SYT1: variants seen among roughly 807,000 people sequenced by gnomAD.
The protein encoded by SYT1 is synaptotagmin-1.
In SYT1, 8 loss-of-function variants were observed where a neutral mutation model predicts 44.8. The observed-to-expected ratio is 0.18, with a 90% CI of 0.10 to 0.32. The LOEUF is 0.32. Among genes scored for constraint, SYT1 ranks in the 10% least tolerant of loss-of-function variants. The probability of loss-of-function intolerance (pLI) is 1.00; values close to 1 mark genes in which losing one functional copy is unlikely to be tolerated. For missense variants in SYT1, 286 were observed against 509.3 expected (o/e 0.56, Z 4.22); for synonymous variants, 154 against 188.8 (o/e 0.82, Z 1.51).
At position 78,931,216 on chromosome 12, in the gene SYT1, AAAGAAAGAAAGAAAGAAAGAAAG is replaced by A. The variant is rs1565723244; in HGVS notation, c.-216-46579_-216-46557del. On this transcript the variant is annotated intron_variant, in intron 1 of 10. Transcript: ENST00000261205. The stretch of plus-strand genomic sequence containing the variant: ...GAAAGAAAGAAAGAAAGAAAGAAAG[AAAGAAAGAAAGAAAGAAAGAAAG>A]AAGGAAGGAAGGAAGGAAGGAAGGA... Among the ~76,000 whole-genome samples the A allele has an allele frequency of 1.4e-3, 76 of 54,400 alleles. 2 individuals carry two copies. The highest frequency in any genetic ancestry group is 4.6e-3 in the African/African-American group (45 of 9,736). The allele number at this position is 54,400 out of a possible 152,430, so 35.7% of individuals were successfully genotyped here.
chr12:79,048,883 A>G (rs1378390753), intron 3 of SYT1, among the ~76,000 whole-genome samples: 1 of 151,986 alleles, frequency 6.6e-6, no homozygotes, highest in Non-Finnish European at 1.5e-5. Flanking sequence ...TAACATAGAC[A>G]ATGAAATCAT....
At chr12:79,386,532 G>A (rs192930005) in intron 9 of SYT1, among the ~76,000 whole-genome samples, 6 of 151,984 alleles carry the variant, frequency 3.9e-5, no homozygotes, top group African/African-American at 1.2e-4. Flanking sequence ...CCTGGTGTGT[G>A]ATGTTCCCCT....
chr12:79,109,750 T>C (rs1169645350), intron 3 of SYT1, among the ~76,000 whole-genome samples: 1 of 152,252 alleles, frequency 6.6e-6, no homozygotes, highest in Non-Finnish European at 1.5e-5. Flanking sequence ...TATTTTTCCT[T>C]ATTGAATCCA....
At chr12:78,920,684 C>T (rs943967555) in intron 1 of SYT1, among the ~76,000 whole-genome samples, 3 of 151,874 alleles carry the variant, frequency 2.0e-5, no homozygotes, top group Admixed American at 6.6e-5. Flanking sequence ...AAGTCTCAAC[C>T]GGCAATTCAA....
intron 3 of SYT1, among the ~76,000 whole-genome samples, chr12:79,125,629 GAAAAAAAGA>G (rs1347259467): frequency 1.8e-5 from 2 of 112,962 alleles, no homozygotes; most frequent in Middle Eastern, 4.5e-3. Flanking sequence ...AAAAAAAAAA[GAAAAAAAGA>G]AAAAAAAAGA....
intron 1 of SYT1, among the ~76,000 whole-genome samples, chr12:78,891,895 T>C (rs2137074852): frequency 6.6e-6 from 1 of 152,052 alleles, no homozygotes; most frequent in South Asian, 2.1e-4. Flanking sequence ...TCCACAGTGC[T>C]AGCACTGATA....
chr12:79,142,417 G>A (rs1040204670), intron 3 of SYT1, among the ~76,000 whole-genome samples: 28 of 152,310 alleles, frequency 1.8e-4, no homozygotes, highest in African/African-American at 4.8e-4. Context: ...GAGACAAAAT[G>A]TAGAAATAAA....
chr12:79,350,246 CTTTTTTTTTTTTTTT>C (rs1166413638), intron 8 of SYT1, among the ~76,000 whole-genome samples: 3 of 97,564 alleles, frequency 3.1e-5, no homozygotes, highest in Admixed American at 1.2e-4. Context: ...GATGCATATT[CTTTTTTTTTTTTTTT>C]TTTTTTTTTG....
intron 2 of SYT1, among the ~76,000 whole-genome samples, chr12:78,988,376 A>G (rs1195932262): frequency 6.7e-6 from 1 of 148,540 alleles, no homozygotes; most frequent in East Asian, 1.9e-4. Context: ...TTTCTCCAAT[A>G]TAATGTAAGA....
intron 9 of SYT1, among the ~76,000 whole-genome samples, chr12:79,385,159 G>T (rs1257849552): frequency 6.6e-6 from 1 of 151,708 alleles, no homozygotes; most frequent in Admixed American, 6.6e-5. Flanking sequence ...GCTAATTCTT[G>T]TGTTTTTGGT....
chr12:78,977,144 G>A (rs898273043), intron 1 of SYT1, among the ~76,000 whole-genome samples: 3 of 152,094 alleles, frequency 2.0e-5, no homozygotes, highest in African/African-American at 4.8e-5. Flanking sequence ...GAACCCGAAA[G>A]GGCAAAGAAA....
chr12:79,153,069 T>G (rs899634682), intron 3 of SYT1, among the ~76,000 whole-genome samples: 5 of 152,006 alleles, frequency 3.3e-5, no homozygotes, highest in Non-Finnish European at 1.5e-5. Context: ...TTTCCCAAGT[T>G]GTCATCGATG....
intron 9 of SYT1, among the ~76,000 whole-genome samples, chr12:79,415,678 G>C (rs1227912098): frequency 1.3e-5 from 2 of 152,058 alleles, no homozygotes; most frequent in African/African-American, 4.8e-5. Flanking sequence ...GAATCCCTTT[G>C]TACAAAGCTT....
intron 2 of SYT1, among the ~76,000 whole-genome samples, chr12:78,993,187 A>AC (rs1300330630): frequency 6.6e-6 from 1 of 152,192 alleles, no homozygotes; most frequent in African/African-American, 2.4e-5. Flanking sequence ...ATTATCCTGA[A>AC]CCCCAATCTG....
intron 1 of SYT1, among the ~76,000 whole-genome samples, chr12:78,921,331 G>C (rs1876986776): frequency 6.6e-6 from 1 of 151,936 alleles, no homozygotes; most frequent in Non-Finnish European, 1.5e-5. Context: ...GGAGCTGTTG[G>C]TGAAACCGAT....
At chr12:79,405,751 A>T (rs1350834654) in intron 9 of SYT1, among the ~76,000 whole-genome samples, 1 of 152,162 alleles carries the variant, frequency 6.6e-6, no homozygotes, top group Non-Finnish European at 1.5e-5. Flanking sequence ...TGATGCCATC[A>T]GGGACCTGTG....
intron 3 of SYT1, among the ~76,000 whole-genome samples, chr12:79,114,304 T>C (rs1332307176): frequency 6.6e-6 from 1 of 152,158 alleles, no homozygotes; most frequent in Non-Finnish European, 1.5e-5. Context: ...AGGGAAAATA[T>C]TTTTTACTGT....
At chr12:79,251,940 T>C (rs924251416) in intron 4 of SYT1, among the ~76,000 whole-genome samples, 1 of 151,896 alleles carries the variant, frequency 6.6e-6, no homozygotes, top group African/African-American at 2.4e-5. Flanking sequence ...ATAACAGTGT[T>C]ATGGTAGTTG....
intron 8 of SYT1, among the ~76,000 whole-genome samples, chr12:79,312,132 C>G: frequency 6.6e-6 from 1 of 151,718 alleles, no homozygotes; most frequent in East Asian, 1.9e-4. Context: ...AACCATTTGC[C>G]TTCTGGGGAA....
Sources: gnomAD v4.1 joint callset for allele counts (sites outside exome capture counted in the v4.1 genomes callset) on GRCh38, gnomAD v4.1.1 for gene constraint, MANE v1.5 for transcripts, NCBI Gene and HGNC (gene_info 2026-07-23, HGNC 2026-07-21) for gene names.